MAMDC2: variants seen among roughly 807,000 people sequenced by gnomAD.
The protein encoded by MAMDC2 is MAM domain containing 2.
Under a neutral mutation model 89.8 loss-of-function variants are expected in MAMDC2, and 57 were observed. The ratio of observed to expected loss-of-function variants is 0.63; its 90% confidence interval spans 0.51 to 0.79. The LOEUF (loss-of-function observed/expected upper bound fraction) is 0.79, where lower values mean the gene tolerates loss of function less well. Ranked by LOEUF, MAMDC2 falls within the 30% of genes least tolerant of loss-of-function variation. MAMDC2 has a pLI of 0.00. For synonymous variants in MAMDC2, 313 were observed against 293.4 expected, an observed-to-expected ratio of 1.07 and a Z score of -0.68; for missense variants, 800 against 820.6, an observed-to-expected ratio of 0.97 and a Z score of 0.31.
chr9:70,104,399 T>C (rs11141672), intron 2 of MAMDC2, among the ~76,000 whole-genome samples: 24,052 of 152,152 alleles, frequency 0.16, 1,911 homozygotes, highest in East Asian at 0.18. Context: ...CTTCAAAAAG[T>C]TAAACATAGA....
chr9:70,224,587 T>A (rs1308999813), intron 12 of MAMDC2, among the ~76,000 whole-genome samples: 11 of 152,136 alleles, frequency 7.2e-5, no homozygotes, highest in Admixed American at 7.2e-4. Context: ...AGAGCAAACT[T>A]GCTTCTCCTC....
intron 2 of MAMDC2, among the ~76,000 whole-genome samples, chr9:70,050,498 C>T (rs1326276806): frequency 6.6e-6 from 1 of 152,176 alleles, no homozygotes; most frequent in South Asian, 2.1e-4. Flanking sequence ...TTTATCCTCT[C>T]TATGTCTCAG....
chr9:70,078,711 G>A (rs1424462370), intron 2 of MAMDC2, among the ~76,000 whole-genome samples: 2 of 152,154 alleles, frequency 1.3e-5, no homozygotes, highest in East Asian at 1.9e-4. Context: ...GGAGTAGGAT[G>A]TAATTGCTAC....
chr9:70,211,854 C>A (rs1233645148), intron 11 of MAMDC2, among the ~76,000 whole-genome samples: 2 of 152,196 alleles, frequency 1.3e-5, no homozygotes, highest in African/African-American at 4.8e-5. Flanking sequence ...ACAGTCAGGA[C>A]CCTCAACTGC....
rs184618545 is a variant in MAMDC2, at chr9:70,146,867, G to A, written c.1404+3048G>A. On this transcript the variant is annotated intron_variant, in intron 9 of 13. Coordinates refer to ENST00000377182, the MANE Select transcript of MAMDC2 (RefSeq NM_153267.5). ...GGAGAGTCACTTGAACCCAGGAGGC[G>A]GAGGTTGCAGTGAGCCAAGATCACG... Among the ~76,000 whole-genome samples the A allele has an allele frequency of 1.8e-3, 269 of 152,152 alleles. 1 individual carries two copies. Among genetic ancestry groups the A allele is most frequent in the African/African-American group, 6.1e-3 (255 of 41,494 alleles).
At chr9:70,065,644 A>T (rs542837309) in intron 2 of MAMDC2, among the ~76,000 whole-genome samples, 2 of 152,116 alleles carry the variant, frequency 1.3e-5, no homozygotes, top group East Asian at 1.9e-4. Flanking sequence ...AAAACCATGT[A>T]AAATTATGAT....
intron 11 of MAMDC2, among the ~76,000 whole-genome samples, chr9:70,173,428 C>G (rs1040819290): frequency 2.0e-5 from 3 of 152,118 alleles, no homozygotes; most frequent in Admixed American, 6.6e-5. Flanking sequence ...TTCACTGACA[C>G]ATTTAATAAT....
chr9:70,068,598 G>A (rs537524863), intron 2 of MAMDC2, among the ~76,000 whole-genome samples: 1 of 151,874 alleles, frequency 6.6e-6, no homozygotes, highest in East Asian at 1.9e-4. Flanking sequence ...GTGGTGGCAG[G>A]CACCTGTAAT....
chr9:70,085,737 G>A (rs906622783), intron 2 of MAMDC2: 2 of 151,914 alleles, frequency 1.3e-5, no homozygotes, highest in African/African-American at 2.4e-5. Context: ...CCCCCCATCT[G>A]GTTTTTGTGT....
At chr9:70,112,854 G>A (rs1386697226) in intron 4 of MAMDC2, 141 bp from the exon 5 acceptor site, 6 of 965,300 alleles carry the variant, frequency 6.2e-6, no homozygotes, top group Middle Eastern at 3.3e-4. Context: ...GGCCAAAATT[G>A]TGCAGGGGTC....
At chr9:70,186,291 G>T (rs980566938) in intron 11 of MAMDC2, among the ~76,000 whole-genome samples, 1 of 151,866 alleles carries the variant, frequency 6.6e-6, no homozygotes, top group Non-Finnish European at 1.5e-5. Flanking sequence ...ATTTTCTTCT[G>T]TATCTAGCTT....
At chr9:70,224,946 T>C (rs2033620447) in intron 12 of MAMDC2, among the ~76,000 whole-genome samples, 1 of 152,194 alleles carries the variant, frequency 6.6e-6, no homozygotes, top group Admixed American at 6.5e-5. Context: ...TTAAATAAAA[T>C]TTAAGGTCTT....
chr9:70,114,982 A>G (rs2029904142), intron 5 of MAMDC2, among the ~76,000 whole-genome samples: 1 of 152,194 alleles, frequency 6.6e-6, no homozygotes, highest in Non-Finnish European at 1.5e-5. Flanking sequence ...GCTAAGAGCA[A>G]TGATACAGTG....
In MAMDC2 at chr9:70,225,755, T is replaced by G; in HGVS notation, c.1917T>G (p.Ile639Met). ...EYSCERQHQI[I>M]FEAIRGVSIR... ...CAAACATATTATTCTTTCAGATAAT[T>G]TTTGAAGCCATTCGAGGAGTATCAA... The change falls in exon 13 of 14, where the codon ATT (isoleucine) becomes ATG (methionine). Residue 639 changes from isoleucine to methionine, a missense_variant. By Grantham distance (10) the Ile-to-Met change is conservative. Transcript: ENST00000377182. The G allele has an allele frequency of 6.3e-7, 1 of 1,586,194 alleles. No homozygotes were observed. The highest frequency in any genetic ancestry group is 8.7e-7 in the Non-Finnish European group (1 of 1,154,928).
At chr9:70,212,028 G>T (rs879406579) in intron 11 of MAMDC2, among the ~76,000 whole-genome samples, 3 of 152,252 alleles carry the variant, frequency 2.0e-5, no homozygotes, top group East Asian at 1.9e-4. Flanking sequence ...TTAAGTGTCA[G>T]TTGGCCCCTA....
chr9:70,046,476 G>C (rs1306714883), intron 2 of MAMDC2, among the ~76,000 whole-genome samples: 1 of 152,164 alleles, frequency 6.6e-6, no homozygotes, highest in Non-Finnish European at 1.5e-5. Flanking sequence ...CTTAAGCCAG[G>C]AGCCTTAGTT....
chr9:70,085,652 C>T (rs4289878), intron 2 of MAMDC2, among the ~76,000 whole-genome samples: 25,726 of 151,916 alleles, frequency 0.17, 2,893 homozygotes, highest in African/African-American at 0.31. Flanking sequence ...CCTCAACTAA[C>T]CCTCTGCCTG....
At chr9:70,050,910 G>C (rs970089537) in intron 2 of MAMDC2, among the ~76,000 whole-genome samples, 4 of 152,212 alleles carry the variant, frequency 2.6e-5, no homozygotes, top group African/African-American at 9.6e-5. Flanking sequence ...CATACTTAGT[G>C]TGTAGTCTAT....
intron 11 of MAMDC2, among the ~76,000 whole-genome samples, chr9:70,197,346 T>C (rs1186443690): frequency 6.6e-6 from 1 of 152,120 alleles, no homozygotes; most frequent in African/African-American, 2.4e-5. Flanking sequence ...ATGAAGAAGT[T>C]AGGAAAATCA....
Sources: gnomAD v4.1 joint callset for allele counts (sites outside exome capture counted in the v4.1 genomes callset) on GRCh38, gnomAD v4.1.1 for gene constraint, MANE v1.5 for transcripts, NCBI Gene and HGNC (gene_info 2026-07-23, HGNC 2026-07-21) for gene names.